Variants in PDGFD observed in about 807,000 individuals in gnomAD.
PDGFD encodes the protein platelet-derived growth factor D.
Under a neutral mutation model 44.7 loss-of-function variants are expected in PDGFD, and 30 were observed. The ratio of observed to expected loss-of-function variants is 0.67; its 90% confidence interval spans 0.50 to 0.91. The LOEUF is 0.91. Ranked by LOEUF, PDGFD falls within the 40% of genes least tolerant of loss-of-function variation. The probability of loss-of-function intolerance (pLI) is 0.00; values close to 1 mark genes in which losing one functional copy is unlikely to be tolerated. For synonymous variants in PDGFD, 173 were observed against 168.4 expected (o/e 1.03, Z -0.21); for missense variants, 445 against 457.8 (o/e 0.97, Z 0.25).
At chr11:103,937,626 A>G (rs1214775687) in intron 5 of PDGFD, among the ~76,000 whole-genome samples, 3 of 151,808 alleles carry the variant, frequency 2.0e-5, no homozygotes, top group Non-Finnish European at 4.4e-5. Flanking sequence ...ATATGTATAC[A>G]TGTGCCATGT....
chr11:104,099,800 A>T (rs1861344327), intron 1 of PDGFD, among the ~76,000 whole-genome samples: 1 of 151,924 alleles, frequency 6.6e-6, no homozygotes, highest in Non-Finnish European at 1.5e-5. Flanking sequence ...AAAAAATGAA[A>T]CTATTTGCAA....
chr11:103,954,006 GA>G (rs148596889), intron 3 of PDGFD, among the ~76,000 whole-genome samples: 3,592 of 152,276 alleles, frequency 0.024, 184 homozygotes, highest in East Asian at 0.22. Flanking sequence ...TTTACCCACT[GA>G]ATTGTGCTAT....
intron 1 of PDGFD, among the ~76,000 whole-genome samples, chr11:104,140,232 G>A (rs553426234): frequency 6.6e-6 from 1 of 152,256 alleles, no homozygotes; most frequent in East Asian, 1.9e-4. Flanking sequence ...ATGCCAATTA[G>A]CATTTTGTTG....
intron 4 of PDGFD, among the ~76,000 whole-genome samples, chr11:103,944,909 A>G (rs1056723050): frequency 2.6e-5 from 4 of 152,104 alleles, no homozygotes; most frequent in African/African-American, 9.7e-5. Flanking sequence ...GTTGGGTGAG[A>G]GGGTGAAATA....
chr11:104,031,286 C>T (rs11226122), intron 1 of PDGFD, among the ~76,000 whole-genome samples: 45,753 of 152,018 alleles, frequency 0.3, 8,478 homozygotes, highest in Admixed American at 0.49. Context: ...AACTTAAACA[C>T]CTTTACAAGA....
At chr11:104,069,345 A>G (rs921598556) in intron 1 of PDGFD, among the ~76,000 whole-genome samples, 1 of 152,174 alleles carries the variant, frequency 6.6e-6, no homozygotes, top group Non-Finnish European at 1.5e-5. Flanking sequence ...GCAGTCACAT[A>G]TTGTCTATTA....
At chr11:104,121,584 A>T (rs2134463847) in intron 1 of PDGFD, among the ~76,000 whole-genome samples, 1 of 152,186 alleles carries the variant, frequency 6.6e-6, no homozygotes, top group East Asian at 1.9e-4. Context: ...AAAAAGAAAA[A>T]CCTACAAGAA....
intron 1 of PDGFD, among the ~76,000 whole-genome samples, chr11:104,063,505 A>G (rs1467641398): frequency 1.3e-5 from 2 of 152,118 alleles, no homozygotes; most frequent in Non-Finnish European, 2.9e-5. Context: ...AAATTATGTT[A>G]CCTGAAAGCA....
chr11:104,103,517 T>C (rs1048467173), intron 1 of PDGFD, among the ~76,000 whole-genome samples: 1 of 148,154 alleles, frequency 6.7e-6, no homozygotes, highest in African/African-American at 2.5e-5. Context: ...TATATCTAAA[T>C]ATATATGGAA....
At chr11:104,025,528 C>A (rs1860029517) in intron 1 of PDGFD, among the ~76,000 whole-genome samples, 1 of 152,196 alleles carries the variant, frequency 6.6e-6, no homozygotes, top group African/African-American at 2.4e-5. Flanking sequence ...TAGATACAGG[C>A]AGTCTTTATT....
At chr11:103,984,473 C>T (rs1859322866) in intron 3 of PDGFD, among the ~76,000 whole-genome samples, 2 of 151,366 alleles carry the variant, frequency 1.3e-5, no homozygotes, top group Admixed American at 1.3e-4. Context: ...AGGCTTAATA[C>T]CTGGGTGATT....
chr11:103,949,877 T>G (rs377595202), intron 3 of PDGFD, among the ~76,000 whole-genome samples: 2 of 152,148 alleles, frequency 1.3e-5, no homozygotes, highest in African/African-American at 4.8e-5. Flanking sequence ...AGATAAATAG[T>G]TGCTTCTTGC....
In PDGFD at chr11:103,996,253, C is replaced by A. The variant is rs1859533218; in HGVS notation, c.330-8G>T. 2 of 1,598,774 alleles carry A rather than the reference C, an allele frequency of 1.3e-6. No individual in the cohort carries two copies. Among genetic ancestry groups the A allele is most frequent in the South Asian group, 2.3e-5 (2 of 88,158 alleles). On this transcript the variant is annotated splice_polypyrimidine_tract_variant and splice_region_variant and intron_variant, in intron 2 of 6. Transcript: ENST00000393158. ...ACTTCCACAAAATCATACCTAGAAT[C>A]AATTGGACATAATGAACAAGTTTTG...
At chr11:103,928,149 T>C (rs1347622120) in intron 5 of PDGFD, among the ~76,000 whole-genome samples, 2 of 152,264 alleles carry the variant, frequency 1.3e-5, no homozygotes, top group African/African-American at 4.8e-5. Context: ...ATTCGCATTA[T>C]TGTGTTACAT....
chr11:104,081,347 T>C (rs572810724), intron 1 of PDGFD, among the ~76,000 whole-genome samples: 1 of 152,304 alleles, frequency 6.6e-6, no homozygotes, highest in South Asian at 2.1e-4. Flanking sequence ...AGGCTCTTAT[T>C]GATAGAAAAT....
chr11:104,114,796 T>G (rs1419334318), intron 1 of PDGFD, among the ~76,000 whole-genome samples: 1 of 152,046 alleles, frequency 6.6e-6, no homozygotes, highest in Non-Finnish European at 1.5e-5. Flanking sequence ...GTTTTCCTCA[T>G]ATAGACCCCG....
chr11:104,008,951 A>G lies in PDGFD; in HGVS notation c.125-8696T>C, dbSNP rs78173631. On this transcript the variant is annotated intron_variant, in intron 1 of 6. Transcript: ENST00000393158. ...CCTGAAAGACATTTAAAGATAACAAATAAAAGGCAATTTTATCAGAAATAA... is the reference window on the plus strand; with the variant it reads ...CCTGAAAGACATTTAAAGATAACAAGTAAAAGGCAATTTTATCAGAAATAA... Among the ~76,000 whole-genome samples the G allele has an allele frequency of 0.024, 3,696 of 152,240 alleles. 207 individuals carry two copies. The East Asian group carries it at 0.27, about 11-fold the overall frequency.
At chr11:103,935,123 C>T (rs1267453542) in intron 5 of PDGFD, among the ~76,000 whole-genome samples, 1 of 152,178 alleles carries the variant, frequency 6.6e-6, no homozygotes, top group East Asian at 1.9e-4. Context: ...TTACCTATGG[C>T]TTTCCACTGT....
At chr11:104,114,508 G>T (rs772445901) in intron 1 of PDGFD, among the ~76,000 whole-genome samples, 4 of 151,986 alleles carry the variant, frequency 2.6e-5, no homozygotes, top group African/African-American at 7.2e-5. Flanking sequence ...TTTATAGGTA[G>T]TCTTTAAGTT....
Sources: allele counts gnomAD v4.1 joint callset (sites outside exome capture counted in the v4.1 genomes callset), GRCh38; gene constraint gnomAD v4.1.1; transcripts MANE v1.5; gene names NCBI Gene and HGNC (gene_info 2026-07-23, HGNC 2026-07-21).